The following GMEB2 variants were observed in gnomAD, a reference collection of about 807,000 sequenced individuals.
GMEB2 encodes glucocorticoid modulatory element-binding protein 2.
GMEB2 carries 7 observed loss-of-function variants against 45.7 expected under a neutral mutation model. The observed-to-expected ratio is 0.15, with a 90% CI of 0.09 to 0.29. The LOEUF is 0.29. Among genes scored for constraint, GMEB2 ranks in the 10% least tolerant of loss-of-function variants. The pLI, the probability that GMEB2 is intolerant of heterozygous loss-of-function variation, is 1.00. For missense variants in GMEB2, 582 were observed against 739.2 expected (o/e 0.79, Z 2.47); for synonymous variants, 322 against 323.6 (o/e 1.00, Z 0.05).
At chr20:63,604,953 T>C in intron 2 of GMEB2, 113 bp from the exon 3 acceptor site, 6 of 714,788 alleles carry the variant, frequency 8.4e-6, no homozygotes, top group Admixed American at 7.7e-5. Flanking sequence ...CTAACTGAAT[T>C]CAGAAATGGC....
intron 1 of GMEB2, among the ~76,000 whole-genome samples, chr20:63,620,228 T>C (rs886942666): frequency 5.3e-5 from 8 of 152,250 alleles, no homozygotes; most frequent in African/African-American, 1.9e-4. Flanking sequence ...ATTATTATTT[T>C]GTCTTTCCTG....
intron 1 of GMEB2, among the ~76,000 whole-genome samples, chr20:63,622,443 T>C (rs563164726): frequency 3.9e-5 from 6 of 152,352 alleles, no homozygotes; most frequent in African/African-American, 1.2e-4. Flanking sequence ...AGGTTCTTGC[T>C]AAATCTTACT....
chr20:63,604,926 T>C, intron 2 of GMEB2, 86 bp from the exon 3 acceptor site: 1 of 803,394 alleles, frequency 1.2e-6, no homozygotes, highest in Non-Finnish European at 2.2e-6. Context: ...AGCGCTTTGC[T>C]GACCTGTTAC....
In GMEB2 at chr20:63,588,899, G is replaced by A. The variant is rs80064066; in HGVS notation, c.*1190C>T. Reference sequence around the variant, plus strand: ...GGTCTTCCTTGTGAGTCCAAGGCCAGGTCTCAGGACAGCCACAGACAGCCC... The same window carrying A: ...GGTCTTCCTTGTGAGTCCAAGGCCAAGTCTCAGGACAGCCACAGACAGCCC... On this transcript the variant is annotated 3_prime_UTR_variant, in exon 10 of 10. Transcript: ENST00000370077. 3.6e-3 allele frequency: 1,455 copies of A among 398,734 alleles called. 14 individuals carry two copies. Among genetic ancestry groups the A allele is most frequent in the African/African-American group, 0.028 (1,353 of 48,748 alleles). 24.7% of individuals were successfully genotyped at this position (398,734 alleles called of 1,614,324 possible).
At chr20:63,595,948 C>T (rs1324892171) in intron 5 of GMEB2, among the ~76,000 whole-genome samples, 181 bp from the exon 6 acceptor site, 1 of 152,238 alleles carries the variant, frequency 6.6e-6, no homozygotes, top group African/African-American at 2.4e-5. Context: ...CAGGACCCTG[C>T]TGCTGAAGAA....
At chr20:63,601,886 G>C in intron 4 of GMEB2, among the ~76,000 whole-genome samples, 2 of 149,120 alleles carry the variant, frequency 1.3e-5, no homozygotes, top group Non-Finnish European at 3.0e-5. Flanking sequence ...GCTGCCTGTG[G>C]CTTCCGTGGG....
chr20:63,604,200 GA>G (rs35469694), intron 3 of GMEB2, among the ~76,000 whole-genome samples: 1,703 of 118,934 alleles, frequency 0.014, 38 homozygotes, highest in African/African-American at 0.049. Flanking sequence ...CCTATTTCTT[GA>G]AAAAAAAAAA....
Position 63,619,190 on chromosome 20 carries a change from A to T in GMEB2, c.131+77T>A. 1.5e-6 allele frequency: 2 copies of T among 1,364,982 alleles called. No individual in the cohort carries two copies. The highest frequency in any genetic ancestry group is 2.0e-6 in the Non-Finnish European group (2 of 1,019,664). 84.6% of individuals were successfully genotyped at this position (1,364,982 alleles called of 1,614,324 possible). On this transcript the variant is annotated intron_variant, in intron 2 of 9. Transcript: ENST00000370077. The surrounding 1 kb of genome is among the most constrained non-coding windows in gnomAD (Gnocchi z 4.6). ...AAAATCCTGACACTTGTCCCTTACT[A>T]CGTTAATGCCAGCTGTGCCAAGGAC...
chr20:63,619,274 G>A lies in GMEB2; in HGVS notation c.124C>T (p.Pro42Ser), dbSNP rs1189538309. ...KTVLVTTNLA[P>S]HGGDLTEDNM... ...ACCGAGGCCCGAGCTTACCCGTGAG[G>A]GGCCAAGTTGGTCGTCACCAACACG... Residue 42 changes from proline to serine, a missense_variant, in exon 2 of 10, where the codon CCT becomes TCT. By Grantham distance (74) the Pro-to-Ser change is moderately conservative (BLOSUM62 -1). Transcript: ENST00000370077. This position sits in a 1 kb window ranked among gnomAD's most constrained non-coding sequence, Gnocchi z 4.6. 6.2e-7 allele frequency: 1 copy of A among 1,610,060 alleles called. No individual in the cohort carries two copies. Among genetic ancestry groups the A allele is most frequent in the Non-Finnish European group, 8.5e-7 (1 of 1,179,024 alleles).
intron 4 of GMEB2, among the ~76,000 whole-genome samples, chr20:63,601,860 G>GGCCTGTGGCTTCCGTGCT (rs1397579270): frequency 8.4e-5 from 12 of 142,974 alleles, no homozygotes; most frequent in Admixed American, 4.9e-4. Context: ...GCTTCCGTGG[G>GGCCTGTGGCTTCCGTGCT]GCCTGTGGCT....
In GMEB2 at chr20:63,589,234, C is replaced by A. The variant is rs2083120988; in HGVS notation, c.*855G>T. The A allele has an allele frequency of 2.5e-6, 1 of 399,018 alleles. No homozygotes were observed. The highest frequency in any genetic ancestry group is 4.4e-6 in the Non-Finnish European group (1 of 226,172). The allele number at this position is 399,018 out of a possible 1,614,324, so 24.7% of individuals were successfully genotyped here. On this transcript the variant is annotated 3_prime_UTR_variant, in exon 10 of 10. Transcript: ENST00000370077. The stretch of plus-strand genomic sequence containing the variant: ...TGGGAGGGGCCGGCTCAGGGACAGG[C>A]TGCCCAGGACCTCCGCACCCGGTCA...
In GMEB2 at chr20:63,596,048, T is replaced by A. The variant is rs149926275; in HGVS notation, c.462-281A>T. Among the ~76,000 whole-genome samples, 75 of 152,300 alleles carry A rather than the reference T, an allele frequency of 4.9e-4. 1 individual carries two copies. Among genetic ancestry groups the A allele is most frequent in the African/African-American group, 1.7e-3 (71 of 41,566 alleles). ...TGTCCTGGAGGTGCCCGTCAGAGTC[T>A]GTGGGGCTGGGCCTTTCTGGGATGT... On this transcript the variant is annotated intron_variant, in intron 5 of 9. Transcript: ENST00000370077.
chr20:63,620,747 C>G (rs1471497088), intron 1 of GMEB2, among the ~76,000 whole-genome samples: 1 of 151,900 alleles, frequency 6.6e-6, no homozygotes, highest in Non-Finnish European at 1.5e-5. Context: ...AGGTCGATTT[C>G]TTGCTATGAA....
chr20:63,588,590 C>G lies in GMEB2; in HGVS notation c.*1499G>C. 1 of 397,798 alleles carries G rather than the reference C, an allele frequency of 2.5e-6. No individual in the cohort carries two copies. Among genetic ancestry groups the G allele is most frequent in the African/African-American group, 2.1e-5 (1 of 48,760 alleles). 24.6% of individuals were successfully genotyped at this position (397,798 alleles called of 1,614,324 possible). A position where few individuals can be genotyped will look rare whatever the true frequency, so the allele number is the denominator to read the frequency against. On this transcript the variant is annotated 3_prime_UTR_variant, in exon 10 of 10. Coordinates refer to ENST00000370077, the MANE Select transcript of GMEB2 (RefSeq NM_012384.5). ...GTAGCTTGACATGGGTGAGGGCAGCCAGGACAGGGCCCTGGTGACAATGGC... is the reference window on the plus strand; with the variant it reads ...GTAGCTTGACATGGGTGAGGGCAGCGAGGACAGGGCCCTGGTGACAATGGC...
At chr20:63,597,669 T>A in intron 5 of GMEB2, 88 bp downstream of exon 5, 5 of 789,824 alleles carry the variant, frequency 6.3e-6, no homozygotes, top group Non-Finnish European at 8.9e-6. Flanking sequence ...AAAATACGCC[T>A]CATCTTCAAA....
chr20:63,590,403 G>C lies in GMEB2; in HGVS notation c.1279C>G (p.Leu427Val), dbSNP rs1189395757. Residue 427 changes from leucine to valine, a missense_variant, in exon 10 of 10, where the codon CTG becomes GTG. Leu to Val is a conservative substitution (Grantham distance 32, BLOSUM62 1). Transcript: ENST00000370077. ...APPASSPASP[L>V]LGGYTVLASS... Reference sequence around the variant, plus strand: ...GCCAAGACTGTGTATCCCCCGAGCAGCGGGGAGGCCGGGGAGCTGGCGGGG... The same window carrying C: ...GCCAAGACTGTGTATCCCCCGAGCACCGGGGAGGCCGGGGAGCTGGCGGGG... 1 of 1,582,520 alleles carries C rather than the reference G, an allele frequency of 6.3e-7. No individual in the cohort carries two copies. Among genetic ancestry groups the C allele is most frequent in the South Asian group, 1.1e-5 (1 of 89,314 alleles).
Position 63,619,142 on chromosome 20 carries a change from G to C in GMEB2, c.131+125C>G. On this transcript the variant is annotated intron_variant, in intron 2 of 9. Transcript: ENST00000370077. The surrounding 1 kb of genome is among the most constrained non-coding windows in gnomAD (Gnocchi z 4.6). ...CTACTTACACACACATTTGAGTCCA[G>C]TCTCAGAAGAACTGGAACTAGAAAA... 2 of 953,392 alleles carry C rather than the reference G, an allele frequency of 2.1e-6. No individual in the cohort carries two copies. The highest frequency in any genetic ancestry group is 3.0e-6 in the Non-Finnish European group (2 of 665,824). The allele number at this position is 953,392 out of a possible 1,614,324, so 59.1% of individuals were successfully genotyped here.
intron 4 of GMEB2, among the ~76,000 whole-genome samples, chr20:63,598,160 C>T (rs2083213926): frequency 6.6e-6 from 1 of 152,190 alleles, no homozygotes; most frequent in Admixed American, 6.5e-5. Context: ...TTCTCTTCCT[C>T]CAGGCAGACT....
intron 6 of GMEB2, among the ~76,000 whole-genome samples, chr20:63,595,406 G>C (rs957874674): frequency 3.9e-5 from 6 of 152,226 alleles, no homozygotes; most frequent in Non-Finnish European, 8.8e-5. Flanking sequence ...AATCTTCCTT[G>C]TCAATGAAAG....
Sources: allele counts gnomAD v4.1 joint callset (sites outside exome capture counted in the v4.1 genomes callset), GRCh38; gene constraint gnomAD v4.1.1; non-coding constraint Gnocchi (gnomAD v3.1); transcripts MANE v1.5; gene names NCBI Gene and HGNC (gene_info 2026-07-23, HGNC 2026-07-21).